Variants in RBFOX1 observed in about 807,000 individuals in gnomAD.
RBFOX1 encodes RNA binding fox-1 homolog 1, also known as RNA binding protein fox-1 homolog 1.
A neutral mutation model predicts 57.7 loss-of-function variants in RBFOX1; 8 were observed. That is an observed-to-expected ratio of 0.14 (90% confidence interval 0.08 to 0.25). RBFOX1 has a LOEUF of 0.25. Among genes scored for constraint, RBFOX1 ranks in the 10% least tolerant of loss-of-function variants. The pLI, the probability that RBFOX1 is intolerant of heterozygous loss-of-function variation, is 1.00. For missense variants in RBFOX1, 611 were observed against 548.5 expected, an observed-to-expected ratio of 1.11 and a Z score of -1.14; for synonymous variants, 326 against 222.4, an observed-to-expected ratio of 1.47 and a Z score of -4.15.
At chr16:6,488,392 A>G (rs1014511028) in intron 2 of RBFOX1, among the ~76,000 whole-genome samples, 2 of 152,198 alleles carry the variant, frequency 1.3e-5, no homozygotes, top group African/African-American at 4.8e-5. Context: ...GTCAACAGAA[A>G]CAGCAGTAAC....
intron 1 of RBFOX1, among the ~76,000 whole-genome samples, chr16:6,220,329 A>G (rs2097364407): frequency 6.6e-6 from 1 of 152,142 alleles, no homozygotes. Context: ...TTTTTGTCCC[A>G]TAGATACTAG....
At chr16:6,081,583 T>C (rs1204335244) in intron 1 of RBFOX1, among the ~76,000 whole-genome samples, 1 of 152,228 alleles carries the variant, frequency 6.6e-6, no homozygotes, top group Non-Finnish European at 1.5e-5. Flanking sequence ...CCACTGAAGG[T>C]GATTCTTAAC....
chr16:7,624,050 G>T (rs1286921004), intron 10 of RBFOX1, among the ~76,000 whole-genome samples: 3 of 152,186 alleles, frequency 2.0e-5, no homozygotes, highest in African/African-American at 7.2e-5. Flanking sequence ...CAAATAGCTT[G>T]TTTTTCATCT....
At chr16:5,495,837 C>T (rs1010743532) in intron 2 of RBFOX1, among the ~76,000 whole-genome samples, 12 of 152,326 alleles carry the variant, frequency 7.9e-5, no homozygotes, top group Admixed American at 2.6e-4. Flanking sequence ...TAAAGAAACC[C>T]ATTAAGGGCT....
intron 2 of RBFOX1, among the ~76,000 whole-genome samples, chr16:6,501,829 TTC>T (rs1162473332): frequency 7.4e-5 from 4 of 53,952 alleles, no homozygotes; most frequent in Non-Finnish European, 1.2e-4. Context: ...TGGGGGGAAA[TTC>T]TTCTTGGTTT....
At chr16:7,707,381 G>A (rs181870624) in intron 14 of RBFOX1, among the ~76,000 whole-genome samples, 1 of 152,102 alleles carries the variant, frequency 6.6e-6, no homozygotes, top group Non-Finnish European at 1.5e-5. Context: ...GAGAAAGCTT[G>A]GAAGGAAAAT....
intron 4 of RBFOX1, among the ~76,000 whole-genome samples, chr16:7,053,615 G>A (rs368972087): frequency 2.0e-5 from 3 of 152,182 alleles, no homozygotes; most frequent in South Asian, 2.1e-4. Context: ...AGTTAAGGAC[G>A]CAGTAGGTAA....
chr16:7,602,197 C>A (rs2095060240), intron 9 of RBFOX1, among the ~76,000 whole-genome samples: 1 of 152,194 alleles, frequency 6.6e-6, no homozygotes, highest in South Asian at 2.1e-4. Flanking sequence ...CACTGGAGGT[C>A]TTAACCAGCA....
intron 2 of RBFOX1, among the ~76,000 whole-genome samples, chr16:6,490,043 G>A (rs768826465): frequency 3.3e-5 from 5 of 152,180 alleles, no homozygotes; most frequent in Non-Finnish European, 7.3e-5. Flanking sequence ...GTGGGTGATG[G>A]TGGATGTGAG....
At position 7,121,639 on chromosome 16, in the gene RBFOX1, A is replaced by G. The variant is rs556149281; in HGVS notation, c.27+69541A>G. ...TTAATTCTGTACAAATTGGTGTATAAGTTTAACACAATACAAATCAAAATT... is the reference window on the plus strand; with the variant it reads ...TTAATTCTGTACAAATTGGTGTATAGGTTTAACACAATACAAATCAAAATT... On this transcript the variant is annotated intron_variant, in intron 4 of 15. Transcript: ENST00000550418. Among the ~76,000 whole-genome samples the G allele has an allele frequency of 8.5e-4, 129 of 152,170 alleles. 1 individual carries two copies. Among genetic ancestry groups the G allele is most frequent in the Non-Finnish European group, 1.6e-3 (111 of 67,942 alleles).
At chr16:7,551,744 G>A (rs577608818) in intron 5 of RBFOX1, among the ~76,000 whole-genome samples, 1 of 152,288 alleles carries the variant, frequency 6.6e-6, no homozygotes, top group South Asian at 2.1e-4. Flanking sequence ...CCAAATCTGT[G>A]TTCCATGAGA....
At chr16:6,322,675 C>T (rs2081949169) in intron 2 of RBFOX1, among the ~76,000 whole-genome samples, 1 of 152,126 alleles carries the variant, frequency 6.6e-6, no homozygotes, top group Non-Finnish European at 1.5e-5. Flanking sequence ...GAAAGAGAAA[C>T]AACAATAATT....
intron 3 of RBFOX1, among the ~76,000 whole-genome samples, chr16:6,787,951 G>T (rs541608267): frequency 6.6e-6 from 1 of 152,082 alleles, no homozygotes; most frequent in Non-Finnish European, 1.5e-5. Context: ...GGCCGGGCAC[G>T]GTGGCTCATG....
chr16:6,712,883 GT>G (rs61328266), intron 3 of RBFOX1, among the ~76,000 whole-genome samples: 2,747 of 82,626 alleles, frequency 0.033, 39 homozygotes, highest in Middle Eastern at 0.12. Context: ...TCATGGGGGT[GT>G]TTTTTTTTTT....
chr16:7,014,891 A>G (rs937554607), intron 3 of RBFOX1, among the ~76,000 whole-genome samples: 4 of 151,692 alleles, frequency 2.6e-5, no homozygotes, highest in African/African-American at 9.7e-5. Flanking sequence ...CACCCGGCTA[A>G]TTTTTTTGTA....
intron 4 of RBFOX1, among the ~76,000 whole-genome samples, chr16:7,166,972 C>CTTTTTTTTTTGTTTTTTTTTTTTTTTTT (rs2079655859): frequency 2.0e-5 from 1 of 49,098 alleles, no homozygotes; most frequent in Non-Finnish European, 3.4e-5. Flanking sequence ...CATTGGTGTT[C>CTTTTTTTTTTGTTTTTTTTTTTTTTTTT]TTTTTTTTTT....
chr16:5,504,093 G>T (rs1009113823), intron 2 of RBFOX1, among the ~76,000 whole-genome samples: 4 of 152,208 alleles, frequency 2.6e-5, no homozygotes, highest in African/African-American at 7.2e-5. Flanking sequence ...GGCGATGGCT[G>T]GGGGCGGAGG....
intron 4 of RBFOX1, among the ~76,000 whole-genome samples, chr16:7,503,071 G>A (rs1001397600): frequency 5.3e-5 from 8 of 152,008 alleles, no homozygotes; most frequent in Admixed American, 5.2e-4. Flanking sequence ...CAAGATTATG[G>A]CGTCCACTCC....
At chr16:5,579,069 A>C (rs1252903784) in intron 2 of RBFOX1, among the ~76,000 whole-genome samples, 2 of 151,874 alleles carry the variant, frequency 1.3e-5, no homozygotes, top group African/African-American at 4.8e-5. Context: ...GCTGGTCTGG[A>C]ACTCCTGACC....
Sources: gnomAD v4.1 joint callset for allele counts (sites outside exome capture counted in the v4.1 genomes callset) on GRCh38, gnomAD v4.1.1 for gene constraint, MANE v1.5 for transcripts, NCBI Gene and HGNC (gene_info 2026-07-23, HGNC 2026-07-21) for gene names.